The following FAM193A variants were observed in gnomAD, a reference collection of about 807,000 sequenced individuals.
The protein encoded by FAM193A is family with sequence similarity 193 member A.
FAM193A carries 22 observed loss-of-function variants against 126.5 expected under a neutral mutation model. The observed-to-expected ratio is 0.17, with a 90% CI of 0.12 to 0.25. The LOEUF (loss-of-function observed/expected upper bound fraction) is 0.25, where lower values mean the gene tolerates loss of function less well. FAM193A is among the 10% of genes least tolerant of loss of function. FAM193A has a pLI of 1.00. For missense variants in FAM193A, 1,675 were observed against 1,672.8 expected, an observed-to-expected ratio of 1.00 and a Z score of -0.02; for synonymous variants, 761 against 646.8, an observed-to-expected ratio of 1.18 and a Z score of -2.68.
chr4:2,602,902 C>T (rs1450651901), intron 2 of FAM193A, among the ~76,000 whole-genome samples: 15 of 149,662 alleles, frequency 1.0e-4, no homozygotes, highest in East Asian at 2.0e-4. Flanking sequence ...CCTTGTGATC[C>T]GCCCGCCTCG....
chr4:2,646,999 A>G (rs1427733871), intron 7 of FAM193A, among the ~76,000 whole-genome samples, 167 bp downstream of exon 7: 2 of 152,234 alleles, frequency 1.3e-5, no homozygotes, highest in South Asian at 2.1e-4. Flanking sequence ...GTTTTCCGGA[A>G]GGGATGGGAA....
chr4:2,590,483 AAAC>A (rs765283156), intron 1 of FAM193A, among the ~76,000 whole-genome samples: 3,281 of 94,262 alleles, frequency 0.035, 610 homozygotes, highest in East Asian at 0.056. Flanking sequence ...AAACAAAAAA[AAAC>A]AAAAAAAAAC....
intron 14 of FAM193A, among the ~76,000 whole-genome samples, chr4:2,690,049 GC>G (rs571121664): frequency 2.0e-5 from 3 of 152,114 alleles, no homozygotes; most frequent in African/African-American, 4.8e-5. Context: ...CCAGACCTCA[GC>G]CCCCCCGGTG....
chr4:2,711,500 T>A (rs893966091), intron 19 of FAM193A, among the ~76,000 whole-genome samples: 12 of 151,546 alleles, frequency 7.9e-5, no homozygotes, highest in South Asian at 4.2e-4. Context: ...CCACCACGCC[T>A]GGCTAATTTT....
intron 2 of FAM193A, among the ~76,000 whole-genome samples, chr4:2,602,423 C>T (rs1232450224): frequency 3.4e-5 from 5 of 145,792 alleles, no homozygotes; most frequent in Non-Finnish European, 7.5e-5. Flanking sequence ...TGTGTGATCT[C>T]GGCTCACTGA....
intron 1 of FAM193A, among the ~76,000 whole-genome samples, chr4:2,583,177 T>C (rs1044607611): frequency 1.2e-4 from 18 of 152,330 alleles, no homozygotes; most frequent in South Asian, 8.3e-4. Context: ...TTTGACCACA[T>C]TGGCCAAGCT....
At chr4:2,727,555 T>G (rs140979934) in intron 20 of FAM193A, among the ~76,000 whole-genome samples, 8 of 152,346 alleles carry the variant, frequency 5.3e-5, no homozygotes, top group African/African-American at 1.7e-4. Flanking sequence ...TAACCACTAA[T>G]AGGAATTAAT....
intron 2 of FAM193A, among the ~76,000 whole-genome samples, chr4:2,606,158 C>T (rs893842950): frequency 7.5e-6 from 1 of 133,296 alleles, no homozygotes; most frequent in East Asian, 2.5e-4. Context: ...TCAAGTGATT[C>T]TCCTGCCTCA....
intron 7 of FAM193A, chr4:2,655,246 A>G (rs1335346923): frequency 2.1e-6 from 1 of 476,258 alleles, no homozygotes; most frequent in Non-Finnish European, 3.8e-6. Context: ...AAAAAATAAA[A>G]CAGGAAGATG....
At chr4:2,642,732 CTT>C (rs1209422669) in intron 6 of FAM193A, among the ~76,000 whole-genome samples, 48 of 135,332 alleles carry the variant, frequency 3.5e-4, no homozygotes, top group Admixed American at 3.0e-4. Flanking sequence ...AAACTCCCAT[CTT>C]TTTTTTTTTT....
At position 2,543,166 on chromosome 4, in the gene FAM193A, C is replaced by T. The variant is rs551043337; in HGVS notation, c.255+5996C>T. Among the ~76,000 whole-genome samples, 8 of 151,930 alleles carry T rather than the reference C, an allele frequency of 5.3e-5. 1 individual carries two copies. In the South Asian group the frequency reaches 1.7e-3, roughly 32 times the overall value. ...GCCCTGGCGCAATCTTGGCTCACTG[C>T]AACCTCCGCCTCCCGGGTTCAAGTG... On this transcript the variant is annotated intron_variant, in intron 1 of 20. Transcript: ENST00000637812.
At chr4:2,600,094 C>G (rs547033068) in intron 2 of FAM193A, among the ~76,000 whole-genome samples, 1 of 152,140 alleles carries the variant, frequency 6.6e-6, no homozygotes. Context: ...GACAGGGTTT[C>G]GTGATGATGG....
intron 1 of FAM193A, among the ~76,000 whole-genome samples, chr4:2,592,376 C>A (rs1054134415): frequency 6.6e-6 from 1 of 152,180 alleles, no homozygotes; most frequent in East Asian, 1.9e-4. Flanking sequence ...GTGTGAGCCA[C>A]CGCGCCCAGC....
intron 5 of FAM193A, among the ~76,000 whole-genome samples, chr4:2,634,167 T>G (rs948881420): frequency 6.6e-6 from 1 of 152,300 alleles, no homozygotes; most frequent in African/African-American, 2.4e-5. Context: ...GATCTGCAGC[T>G]CTCGTGGCCT....
intron 13 of FAM193A, among the ~76,000 whole-genome samples, chr4:2,687,313 C>T (rs939158481): frequency 2.0e-4 from 31 of 152,132 alleles, no homozygotes; most frequent in African/African-American, 7.5e-4. Context: ...AGCAGTGCAC[C>T]ATCACACTCA....
intron 1 of FAM193A, among the ~76,000 whole-genome samples, chr4:2,539,564 G>A (rs1012990714): frequency 6.6e-6 from 1 of 152,004 alleles, no homozygotes; most frequent in African/African-American, 2.4e-5. Context: ...GTGCCACCAT[G>A]CCTGGCTAAT....
At chr4:2,679,144 A>G (rs1409348173) in intron 13 of FAM193A, among the ~76,000 whole-genome samples, 3 of 152,068 alleles carry the variant, frequency 2.0e-5, no homozygotes, top group Non-Finnish European at 2.9e-5. Flanking sequence ...AATTTGTCAC[A>G]TGCTTTTTCT....
At chr4:2,609,965 C>T (rs1176560673) in intron 2 of FAM193A, among the ~76,000 whole-genome samples, 2 of 148,736 alleles carry the variant, frequency 1.3e-5, no homozygotes, top group African/African-American at 5.0e-5. Flanking sequence ...GGCGCAGTGG[C>T]TCACTCCTGT....
intron 2 of FAM193A, among the ~76,000 whole-genome samples, chr4:2,601,486 C>T (rs375351455): frequency 2.0e-5 from 3 of 151,940 alleles, no homozygotes; most frequent in East Asian, 1.9e-4. Context: ...CCGCCCACCT[C>T]GGTCTCCCAA....
Sources: allele counts gnomAD v4.1 joint callset (sites outside exome capture counted in the v4.1 genomes callset), GRCh38; gene constraint gnomAD v4.1.1; transcripts MANE v1.5; gene names NCBI Gene and HGNC (gene_info 2026-07-23, HGNC 2026-07-21).